The following KDM4B variants were observed in gnomAD, a reference collection of about 807,000 sequenced individuals.
KDM4B encodes the protein lysine-specific demethylase 4B.
In KDM4B, 32 loss-of-function variants were observed where a neutral mutation model predicts 125.2. The observed-to-expected ratio is 0.26, with a 90% CI of 0.19 to 0.34. The LOEUF (loss-of-function observed/expected upper bound fraction) is 0.34, where lower values mean the gene tolerates loss of function less well. Among genes scored for constraint, KDM4B ranks in the 10% least tolerant of loss-of-function variants. The pLI is 1.00. For missense variants in KDM4B, 1,190 were observed against 1,577.7 expected (o/e 0.75, Z 4.16); for synonymous variants, 721 against 677.9 (o/e 1.06, Z -0.99).
intron 11 of KDM4B, among the ~76,000 whole-genome samples, chr19:5,124,801 G>A (rs1327276821): frequency 2.0e-5 from 3 of 152,124 alleles, no homozygotes; most frequent in Non-Finnish European, 2.9e-5. Context: ...TCACCATGTC[G>A]GTCAGAATGG....
rs2036608961 is a variant in KDM4B at position 5,035,891 on chromosome 19, GCGCGCCTGCGCGCA to G, written c.141+2862_141+2875del. On this transcript the variant is annotated intron_variant, in intron 3 of 22. Coordinates refer to ENST00000159111, the MANE Select transcript of KDM4B (RefSeq NM_015015.3). The surrounding 1 kb of genome is among the most constrained non-coding windows in gnomAD (Gnocchi z 5.3). The stretch of plus-strand genomic sequence containing the variant: ...TGTGTGTGTGTGTGTGCGCGCGCGC[GCGCGCCTGCGCGCA>G]CAGGAGACTGAGGTGGGGAGGCAGC... 8.3e-6 allele frequency among the ~76,000 whole-genome samples: 1 copy of G among 120,850 alleles called. No homozygotes were observed. The highest frequency in any genetic ancestry group is 2.6e-5 in the African/African-American group (1 of 38,888). The allele number at this position is 120,850 out of a possible 152,430, so 79.3% of individuals were successfully genotyped here. A position where few individuals can be genotyped will look rare whatever the true frequency, so the allele number is the denominator to read the frequency against.
At chr19:5,107,239 G>A (rs935849578) in intron 9 of KDM4B, among the ~76,000 whole-genome samples, 1 of 152,268 alleles carries the variant, frequency 6.6e-6, no homozygotes, top group South Asian at 2.1e-4. Flanking sequence ...GCCCTGGGGC[G>A]TGCTCAGGCC....
At chr19:5,042,687 G>T (rs1274966645) in intron 5 of KDM4B, among the ~76,000 whole-genome samples, 4 of 151,470 alleles carry the variant, frequency 2.6e-5, no homozygotes, top group African/African-American at 7.3e-5. Context: ...AGTGAGGGGG[G>T]GGGCGCCGTA....
rs763653273 is a variant in KDM4B at position 5,110,794 on chromosome 19, C to T, written c.1091C>T (p.Ser364Leu). 1.1e-5 allele frequency: 17 copies of T among 1,594,252 alleles called. No homozygotes were observed. Among genetic ancestry groups the T allele is most frequent in the African/African-American group, 4.0e-5 (3 of 74,604 alleles). ...AGCTCCTGGAGTGCATCCCGGGCCT[C>T]GCTGAAGGCCAAGCTCCTCCGCAGG... ...ELSSWSASRA[S>L]LKAKLLRRSH... Residue 364 changes from serine to leucine, a missense_variant, in exon 10 of 23, where the codon TCG becomes TTG. Around this residue, in one of 7 missense-constraint regions of KDM4B, gnomAD observed 428 missense variants for 405.1 expected, o/e 1.06. Coordinates refer to ENST00000159111, the MANE Select transcript of KDM4B (RefSeq NM_015015.3).
intron 9 of KDM4B, among the ~76,000 whole-genome samples, chr19:5,091,663 C>T (rs1268023854): frequency 6.6e-6 from 1 of 150,998 alleles, no homozygotes; most frequent in African/African-American, 2.4e-5. Context: ...TGTGTTCCTT[C>T]TGTTTGGTAA....
chr19:5,107,775 G>A (rs1479697589), intron 9 of KDM4B, among the ~76,000 whole-genome samples: 1 of 152,216 alleles, frequency 6.6e-6, no homozygotes, highest in Non-Finnish European at 1.5e-5. Context: ...GCCCTAGCGG[G>A]TTTCTCTCCC....
chr19:4,993,344 G>A (rs1443122977), intron 1 of KDM4B, among the ~76,000 whole-genome samples: 1 of 151,994 alleles, frequency 6.6e-6, no homozygotes, highest in African/African-American at 2.4e-5. Context: ...GGGAGGCAGA[G>A]GTTGCAGTGA....
At chr19:4,983,583 C>A (rs1459192129) in intron 1 of KDM4B, among the ~76,000 whole-genome samples, 1 of 152,204 alleles carries the variant, frequency 6.6e-6, no homozygotes, top group African/African-American at 2.4e-5. Context: ...CCAGCCTGGG[C>A]AGCGCCTCTG....
intron 1 of KDM4B, among the ~76,000 whole-genome samples, chr19:5,007,056 G>A (rs1041001289): frequency 8.5e-5 from 13 of 152,198 alleles, no homozygotes; most frequent in African/African-American, 2.4e-4. Context: ...GGACCTGGGC[G>A]GAACGGGGGA....
intron 17 of KDM4B, 70 bp from the exon 18 acceptor site, chr19:5,137,892 C>T (rs1218646938): frequency 6.6e-6 from 9 of 1,357,924 alleles, no homozygotes; most frequent in South Asian, 3.8e-5. Context: ...AGCCACATCA[C>T]GCCCAGCCCC....
chr19:5,109,776 G>A (rs1266712681), intron 9 of KDM4B, among the ~76,000 whole-genome samples: 2 of 152,190 alleles, frequency 1.3e-5, no homozygotes, highest in African/African-American at 4.8e-5. Flanking sequence ...GGCCACCGTC[G>A]CCCTCGTGAG....
rs547133687 is a variant in KDM4B, at chr19:5,109,834, C to T, written c.919-788C>T. ...TCACATTCCGGGATTCCTGTTGGTT[C>T]TCTCAGCTCTTTGGGGACTGCTGTT... On this transcript the variant is annotated intron_variant, in intron 9 of 22. Coordinates refer to ENST00000159111, the MANE Select transcript of KDM4B (RefSeq NM_015015.3). Among the ~76,000 whole-genome samples, 4 of 152,362 alleles carry T rather than the reference C, an allele frequency of 2.6e-5. No individual in the cohort carries two copies. The South Asian group carries it at 8.3e-4, about 32-fold the overall frequency.
intron 9 of KDM4B, among the ~76,000 whole-genome samples, chr19:5,098,343 G>A (rs1289477261): frequency 6.6e-6 from 1 of 152,198 alleles, no homozygotes; most frequent in Non-Finnish European, 1.5e-5. Context: ...TTTTGCATGG[G>A]ATCGTTATGG....
chr19:5,054,462 A>ATG lies in KDM4B; in HGVS notation c.626+6820_626+6821dup, dbSNP rs3070257. Among the ~76,000 whole-genome samples, 965 of 150,586 alleles carry ATG rather than the reference A, an allele frequency of 6.4e-3. 9 individuals carry two copies. The highest frequency in any genetic ancestry group is 8.1e-3 in the Non-Finnish European group (548 of 67,530). On this transcript the variant is annotated intron_variant, in intron 6 of 22. Transcript: ENST00000159111. ...TGCTGAGTCCCCTGAGAGAGAGAGA[A>ATG]TGTGTGTGTGTGTGTGTGTGTGTGT...
chr19:4,980,757 A>G (rs773454109), intron 1 of KDM4B, among the ~76,000 whole-genome samples: 1 of 151,594 alleles, frequency 6.6e-6, no homozygotes, highest in African/African-American at 2.4e-5. Context: ...GCTGCATCCT[A>G]TTCCCCTGTG....
chr19:5,020,011 CGGTGTGCAGGTGTTGGTGTGGACGTT>C (rs2036052914), intron 2 of KDM4B, among the ~76,000 whole-genome samples: 1 of 70,768 alleles, frequency 1.4e-5, no homozygotes, highest in East Asian at 4.7e-4. Flanking sequence ...CTGCTGTGGA[CGGTGTGCAGGTGTTGGTGTGGACGTT>C]GGTGTGCAGG....
chr19:5,092,779 C>T (rs1300889960), intron 9 of KDM4B, among the ~76,000 whole-genome samples: 2 of 152,152 alleles, frequency 1.3e-5, no homozygotes, highest in African/African-American at 2.4e-5. Flanking sequence ...CAGGGCCTGG[C>T]CCTGAGTCAG....
intron 10 of KDM4B, among the ~76,000 whole-genome samples, chr19:5,117,309 T>G (rs1599221199): frequency 4.2e-5 from 3 of 72,004 alleles, no homozygotes; most frequent in Non-Finnish European, 7.9e-5. Flanking sequence ...ACCTCTAGGG[T>G]GAGTTTTCAG....
Position 4,969,210 on chromosome 19 carries a change from G to C in KDM4B, c.-129G>C, listed in dbSNP as rs1307176228. 2 of 149,140 alleles carry C rather than the reference G, an allele frequency of 1.3e-5. No homozygotes were observed. The highest frequency in any genetic ancestry group is 2.4e-5 in the African/African-American group (1 of 41,040). The allele number at this position is 149,140 out of a possible 1,614,324, so 9.2% of individuals were successfully genotyped here. A position where few individuals can be genotyped will look rare whatever the true frequency, so the allele number is the denominator to read the frequency against. On this transcript the variant is annotated 5_prime_UTR_variant, in exon 1 of 23. Transcript: ENST00000159111. ...GAGAGCGCGCCGCTGCTCCCGGACC[G>C]GGCCGCGCACGCCGCCTCAGGTGAG...
Sources: allele counts gnomAD v4.1 joint callset (sites outside exome capture counted in the v4.1 genomes callset), GRCh38; gene constraint gnomAD v4.1.1; regional missense constraint gnomAD v4.1.1; non-coding constraint Gnocchi (gnomAD v3.1); transcripts MANE v1.5; gene names NCBI Gene and HGNC (gene_info 2026-07-23, HGNC 2026-07-21).